MTFR2: variants seen among roughly 807,000 people sequenced by gnomAD.
MTFR2 encodes mitochondrial fission regulator 2, also known as DUF729 domain-containing protein 1.
Under a neutral mutation model 41.2 loss-of-function variants are expected in MTFR2, and 44 were observed. The observed-to-expected ratio is 1.07, with a 90% CI of 0.84 to 1.37. The LOEUF (loss-of-function observed/expected upper bound fraction) is 1.37. Ranked by LOEUF, MTFR2 falls within the 40% of genes most tolerant of loss-of-function variation. MTFR2 has a pLI of 0.00. For synonymous variants in MTFR2, 141 were observed against 154.6 expected (o/e 0.91, Z 0.65); for missense variants, 452 against 459.5 (o/e 0.98, Z 0.15).
intron 7 of MTFR2, among the ~76,000 whole-genome samples, chr6:136,232,107 T>G (rs1415997394): frequency 1.3e-5 from 2 of 152,172 alleles, no homozygotes; most frequent in Admixed American, 1.3e-4. Flanking sequence ...AGTGTCTTCT[T>G]AAATAGTTAA....
intron 7 of MTFR2, among the ~76,000 whole-genome samples, chr6:136,232,877 C>T (rs929889747): frequency 1.3e-5 from 2 of 152,166 alleles, no homozygotes; most frequent in African/African-American, 4.8e-5. Context: ...ATCCCATTTG[C>T]TTTTTTACAT....
Position 136,232,885 on chromosome 6 carries a change from C to A in MTFR2, c.1044+440G>T, listed in dbSNP as rs1254441461. Among the ~76,000 whole-genome samples, 3 of 152,136 alleles carry A rather than the reference C, an allele frequency of 2.0e-5. No individual in the cohort carries two copies. The East Asian group carries it at 5.8e-4, about 29-fold the overall frequency. On this transcript the variant is annotated intron_variant, in intron 7 of 7. Coordinates refer to ENST00000420702, the MANE Select transcript of MTFR2 (RefSeq NM_001099286.3). ...AACTATAATCCCATTTGCTTTTTTA[C>A]ATGCAGAGTTAACATTATATTCAAC...
chr6:136,245,896 T>C (rs566042800), intron 2 of MTFR2, among the ~76,000 whole-genome samples: 1 of 152,336 alleles, frequency 6.6e-6, no homozygotes, highest in East Asian at 1.9e-4. Context: ...AGGTTACACC[T>C]ATAGAAGATC....
chr6:136,239,319 T>C (rs766945649), intron 6 of MTFR2, 147 bp downstream of exon 6: 74 of 542,938 alleles, frequency 1.4e-4, no homozygotes, highest in Non-Finnish European at 2.0e-4. Flanking sequence ...TCAAAAATAA[T>C]TGAATGTCAT....
intron 5 of MTFR2, 143 bp downstream of exon 5, chr6:136,241,301 T>G: frequency 1.6e-6 from 1 of 624,434 alleles, no homozygotes; most frequent in Non-Finnish European, 2.7e-6. Context: ...TGGTACTTAT[T>G]CAGAATTGTA....
At chr6:136,248,893 C>A in intron 2 of MTFR2, 144 bp downstream of exon 2, 2 of 654,480 alleles carry the variant, frequency 3.1e-6, no homozygotes, top group Non-Finnish European at 5.1e-6. Flanking sequence ...ATCATCAAAG[C>A]TATACTATTA....
intron 1 of MTFR2, 50 bp downstream of exon 1, chr6:136,249,926 G>A (rs956639147): frequency 1.3e-5 from 2 of 152,138 alleles, no homozygotes; most frequent in African/African-American, 4.8e-5. Flanking sequence ...CCTCGCTTTG[G>A]TCACAAGCTT....
At position 136,244,945 on chromosome 6, in the gene MTFR2, TAAAAAAGAC is replaced by T. The variant is rs60351480; in HGVS notation, c.64-85_64-77del. ...TATATAAGTATGAAAAAAGGAGATGTAAAAAAGACAAAAAAGACGCAGTGGCATTTTTTT... is the reference window on the plus strand; with the variant it reads ...TATATAAGTATGAAAAAAGGAGATGTAAAAAAGACGCAGTGGCATTTTTTT... On this transcript the variant is annotated intron_variant, in intron 2 of 7. Transcript: ENST00000420702. 43,366 of 1,143,870 alleles carry T rather than the reference TAAAAAAGAC, an allele frequency of 0.038. 9,561 individuals are homozygous for T. The African/African-American group carries it at 0.55, about 15-fold the overall frequency. The allele number at this position is 1,143,870 out of a possible 1,614,324, so 70.9% of individuals were successfully genotyped here.
At chr6:136,248,866 T>C in intron 2 of MTFR2, 171 bp downstream of exon 2, 1 of 589,452 alleles carries the variant, frequency 1.7e-6, no homozygotes. Context: ...AATAATCTTA[T>C]CCCTCTTCTA....
intron 6 of MTFR2, among the ~76,000 whole-genome samples, chr6:136,236,121 G>A (rs1779898923): frequency 6.6e-6 from 1 of 152,130 alleles, no homozygotes; most frequent in Admixed American, 6.5e-5. Context: ...AATTATAGAC[G>A]ACTTCAAGAA....
intron 7 of MTFR2, among the ~76,000 whole-genome samples, chr6:136,231,806 A>T (rs1779767007): frequency 6.6e-6 from 1 of 152,156 alleles, no homozygotes; most frequent in Non-Finnish European, 1.5e-5. Context: ...TATCACTGGG[A>T]AACAGTGTGT....
At chr6:136,231,564 G>A (rs1025432928) in intron 7 of MTFR2, among the ~76,000 whole-genome samples, 176 bp from the exon 8 acceptor site, 3 of 149,972 alleles carry the variant, frequency 2.0e-5, no homozygotes, top group African/African-American at 7.4e-5. Flanking sequence ...TCAGAGCCAA[G>A]GACAAAAGTG....
intron 2 of MTFR2, among the ~76,000 whole-genome samples, chr6:136,245,274 C>G (rs528272986): frequency 6.6e-6 from 1 of 151,730 alleles, no homozygotes; most frequent in Non-Finnish European, 1.5e-5. Flanking sequence ...TATCAAGCAA[C>G]GACGTAATAT....
intron 3 of MTFR2, 78 bp from the exon 4 acceptor site, chr6:136,243,051 A>G (rs1254512306): frequency 7.0e-6 from 6 of 859,470 alleles, no homozygotes; most frequent in Non-Finnish European, 1.0e-5. Context: ...GTATTAAATT[A>G]GTTAACAATC....
Position 136,231,296 on chromosome 6 carries a change from G to C in MTFR2, c.1137C>G (p.Ser379Arg), listed in dbSNP as rs367584878. The C allele has an allele frequency of 3.1e-6, 5 of 1,611,180 alleles. No individual in the cohort carries two copies. The African/African-American group carries it at 5.3e-5, about 17-fold the overall frequency. ...KAVDQGISNT[S>R]LLNSRI ...GAGTTTAAATCCTTGAGTTTAGAAG[G>C]CTTGTGTTGCTGATACCTTGGTCAA... Residue 379 changes from serine (S) to arginine (R), a missense_variant, in exon 8 of 8, where the codon AGC becomes AGG. Ser to Arg is a moderately radical substitution (Grantham distance 110). Transcript: ENST00000420702.
intron 4 of MTFR2, among the ~76,000 whole-genome samples, chr6:136,242,090 A>AC (rs1780093269): frequency 5.4e-5 from 8 of 148,698 alleles, no homozygotes; most frequent in African/African-American, 2.0e-4. Flanking sequence ...AAAAAAAAAA[A>AC]AAAAAAAAAA....
At chr6:136,242,149 T>C (rs1334586080) in intron 4 of MTFR2, among the ~76,000 whole-genome samples, 1 of 147,226 alleles carries the variant, frequency 6.8e-6, no homozygotes, top group Non-Finnish European at 1.5e-5. Flanking sequence ...GAGTCACCAC[T>C]GAGGACAAGG....
chr6:136,239,327 CATT>C, intron 6 of MTFR2, 136 bp downstream of exon 6: 1 of 559,392 alleles, frequency 1.8e-6, no homozygotes, highest in Admixed American at 3.6e-5. Flanking sequence ...AATTGAATGT[CATT>C]ATCTCTAGGA....
At chr6:136,247,931 T>C (rs1780256199) in intron 2 of MTFR2, among the ~76,000 whole-genome samples, 1 of 152,168 alleles carries the variant, frequency 6.6e-6, no homozygotes, top group Non-Finnish European at 1.5e-5. Flanking sequence ...CATATATATA[T>C]CCAATTGTCT....
Sources: gnomAD v4.1 joint callset for allele counts (sites outside exome capture counted in the v4.1 genomes callset) on GRCh38, gnomAD v4.1.1 for gene constraint, MANE v1.5 for transcripts, NCBI Gene and HGNC (gene_info 2026-07-23, HGNC 2026-07-21) for gene names.